RAB37: variants seen among roughly 807,000 people sequenced by gnomAD.
The protein encoded by RAB37 is RAB37, member RAS oncogene family.
In RAB37, 29 loss-of-function variants were observed where a neutral mutation model predicts 33.1. The observed-to-expected ratio is 0.88, with a 90% confidence interval of 0.65 to 1.20. The LOEUF is 1.20. RAB37 is among the 50% of genes most tolerant of loss of function. The pLI is 0.00. For synonymous variants in RAB37, 128 were observed against 119.5 expected (o/e 1.07, Z -0.47); for missense variants, 299 against 301.1 (o/e 0.99, Z 0.05).
rs2031712128 is a variant in RAB37, at chr17:74,671,780, G to C, written c.72+122G>C. The C allele has an allele frequency of 7.1e-6, 6 of 840,070 alleles. No homozygotes were observed. The highest frequency in any genetic ancestry group is 1.2e-5 in the Non-Finnish European group (6 of 515,104). The allele number at this position is 840,070 out of a possible 1,614,324, so 52.0% of individuals were successfully genotyped here. A position where few individuals can be genotyped will look rare whatever the true frequency, so the allele number is the denominator to read the frequency against. ...AAACTAGCTTGTATCTGTGAGTCTGGGGAGCCCTTTCTGTCTGATCCTGTT... is the reference window on the plus strand; with the variant it reads ...AAACTAGCTTGTATCTGTGAGTCTGCGGAGCCCTTTCTGTCTGATCCTGTT... On this transcript the variant is annotated intron_variant, in intron 1 of 7. Coordinates refer to the RAB37 transcript ENST00000340415. This position sits in a 1 kb window ranked among gnomAD's most constrained non-coding sequence, Gnocchi z 5.0.
intron 1 of RAB37, among the ~76,000 whole-genome samples, chr17:74,688,995 A>C (rs2032107397): frequency 6.6e-6 from 1 of 152,204 alleles, no homozygotes; most frequent in South Asian, 2.1e-4. Context: ...TTTTAAGTCA[A>C]AATAAAACAT....
chr17:74,731,420 C>T (rs767016184), intron 2 of RAB37, among the ~76,000 whole-genome samples: 2 of 152,206 alleles, frequency 1.3e-5, no homozygotes, highest in Non-Finnish European at 2.9e-5. Flanking sequence ...GTGACTACCT[C>T]GGGCATGCCT....
chr17:74,744,538 C>A lies in RAB37; in HGVS notation c.432+165C>A. The A allele has an allele frequency of 1.5e-6, 1 of 688,302 alleles. No individual in the cohort carries two copies. The highest frequency in any genetic ancestry group is 2.5e-6 in the Non-Finnish European group (1 of 400,372). 42.6% of individuals were successfully genotyped at this position (688,302 alleles called of 1,614,324 possible). A position where few individuals can be genotyped will look rare whatever the true frequency, so the allele number is the denominator to read the frequency against. ...TGGAGGCTTCTGCCCATCCCATCTG[C>A]CCCTTCCAGGGAAAGTCCAAGTTGT... On this transcript the variant is annotated intron_variant, in intron 6 of 8. Coordinates refer to ENST00000392613, the MANE Select transcript of RAB37 (RefSeq NM_001006638.3). The surrounding 1 kb of genome is among the most constrained non-coding windows in gnomAD (Gnocchi z 4.2).
chr17:74,695,210 G>C (rs1425145700), intron 1 of RAB37: 1 of 1,614,056 alleles, frequency 6.2e-7, no homozygotes, highest in Non-Finnish European at 8.5e-7. Context: ...CAGCACCCAA[G>C]GTCAGAGATG....
At chr17:74,696,087 C>A (rs1386559801) in intron 1 of RAB37, 21 of 1,428,354 alleles carry the variant, frequency 1.5e-5, no homozygotes, top group Non-Finnish European at 9.5e-6. Flanking sequence ...GGACAGGATA[C>A]TTTGGCACAG....
chr17:74,690,237 G>T (rs928202954), intron 1 of RAB37, among the ~76,000 whole-genome samples: 1 of 152,030 alleles, frequency 6.6e-6, no homozygotes, highest in Non-Finnish European at 1.5e-5. Context: ...TGAGATTAGA[G>T]GCATGAACCA....
chr17:74,737,781 G>T (rs530059612), intron 1 of RAB37, among the ~76,000 whole-genome samples: 1 of 152,140 alleles, frequency 6.6e-6, no homozygotes, highest in Non-Finnish European at 1.5e-5. Flanking sequence ...GCCATTTTCC[G>T]AGCTAAGCTC....
chr17:74,724,890 C>T (rs777959240), intron 1 of RAB37, among the ~76,000 whole-genome samples: 3 of 152,084 alleles, frequency 2.0e-5, no homozygotes, highest in African/African-American at 4.8e-5. Flanking sequence ...GTGCAGGTCA[C>T]AGGGGATATG....
rs116457214 is a variant in RAB37, at chr17:74,730,021, G to A, written c.183+655G>A. Among the ~76,000 whole-genome samples the A allele has an allele frequency of 4.2e-3, 633 of 152,226 alleles. 8 individuals are homozygous for A. The highest frequency in any genetic ancestry group is 0.014 in the African/African-American group (567 of 41,538). On this transcript the variant is annotated intron_variant, in intron 2 of 7. Coordinates refer to the RAB37 transcript ENST00000340415. This position sits in a 1 kb window ranked among gnomAD's most constrained non-coding sequence, Gnocchi z 4.4. ...CGGGTTAAGGAAGCCCAGTGCCCTC[G>A]GCTTTTTCTGCCCGCAGCCCCTCTG... is the stretch of plus-strand genomic sequence containing the variant.
At chr17:74,687,778 C>CG (rs1203958133) in intron 1 of RAB37, among the ~76,000 whole-genome samples, 1 of 152,156 alleles carries the variant, frequency 6.6e-6, no homozygotes, top group Admixed American at 6.5e-5. Context: ...TGTGATGGAG[C>CG]GGGTCCATGC....
intron 1 of RAB37, chr17:74,698,624 G>A (rs1190375287): frequency 6.7e-7 from 1 of 1,482,316 alleles, no homozygotes; most frequent in Non-Finnish European, 8.9e-7. Flanking sequence ...CCTCACTCCT[G>A]GGGATCCTCA....
At chr17:74,737,034 G>A (rs762798603), upstream of RAB37, 26 of 1,607,202 alleles carry the variant, frequency 1.6e-5, no homozygotes, top group East Asian at 5.6e-4. Context: ...CGAAGCGCAC[G>A]GAGCCGAGCC....
At chr17:74,679,406 C>G (rs2031908213) in intron 1 of RAB37, among the ~76,000 whole-genome samples, 1 of 152,090 alleles carries the variant, frequency 6.6e-6, no homozygotes, top group Non-Finnish European at 1.5e-5. Flanking sequence ...ATGCCTTTAC[C>G]CAGATCCTTC....
Position 74,742,231 on chromosome 17 carries a change from T to A in RAB37, c.205-23T>A, listed in dbSNP as rs369356578. On this transcript the variant is annotated intron_variant, in intron 2 of 8. Transcript: ENST00000392613. This position sits in a 1 kb window ranked among gnomAD's most constrained non-coding sequence, Gnocchi z 4.0. ...GAGCCACATGACTCCTGCCCTCCCA[T>A]CCTCTGCCTTTTTCTCTTTCAGAAC... 3 of 1,612,098 alleles carry A rather than the reference T, an allele frequency of 1.9e-6. No individual in the cohort carries two copies. The highest frequency in any genetic ancestry group is 2.2e-5 in the East Asian group (1 of 44,808).
chr17:74,729,516 G>A lies in RAB37; in HGVS notation c.183+150G>A. On this transcript the variant is annotated intron_variant, in intron 2 of 7. Coordinates refer to the RAB37 transcript ENST00000340415. The surrounding 1 kb of genome is among the most constrained non-coding windows in gnomAD (Gnocchi z 4.2). ...ACTGTTCCCCAAGGTGTAGGAGGGT[G>A]TTGGGTGACCAGGAGGGAGGGTATA... 1 of 671,952 alleles carries A rather than the reference G, an allele frequency of 1.5e-6. No homozygotes were observed. Among genetic ancestry groups the A allele is most frequent in the South Asian group, 1.6e-5 (1 of 60,970 alleles). The allele number at this position is 671,952 out of a possible 1,614,324, so 41.6% of individuals were successfully genotyped here.
At chr17:74,684,854 G>GAGATAGATGAT (rs768477387) in intron 1 of RAB37, among the ~76,000 whole-genome samples, 1 of 149,004 alleles carries the variant, frequency 6.7e-6, no homozygotes, top group Non-Finnish European at 1.5e-5. Context: ...ACATATGTGT[G>GAGATAGATGAT]AGATAGATAG....
In RAB37 at chr17:74,745,385, C is replaced by A; in HGVS notation, c.646C>A (p.Arg216Ser). 1 of 1,614,054 alleles carries A rather than the reference C, an allele frequency of 6.2e-7. No homozygotes were observed. Among genetic ancestry groups the A allele is most frequent in the South Asian group, 1.1e-5 (1 of 91,086 alleles). ...AGACTATGTAGAGTCCCAGAAGAAG[C>A]GCTCCAGCTGCTGCTCCTTCATGTG... Reference protein sequence around the residue: ...IRDYVESQKKRSSCCSFM With the variant: ...IRDYVESQKKSSSCCSFM Residue 216 changes from arginine (R) to serine (S), a missense_variant, in exon 9 of 9, where the codon CGC becomes AGC. Transcript: ENST00000392613. This position sits in a 1 kb window ranked among gnomAD's most constrained non-coding sequence, Gnocchi z 4.5.
chr17:74,714,479 A>G (rs1398990076), intron 1 of RAB37, among the ~76,000 whole-genome samples: 1 of 151,778 alleles, frequency 6.6e-6, no homozygotes, highest in Admixed American at 6.6e-5. Flanking sequence ...CAAGCAGGGA[A>G]CTACTGGCCC....
chr17:74,744,563 T>C lies in RAB37; in HGVS notation c.432+190T>C, dbSNP rs1598330766. The C allele has an allele frequency of 3.1e-6, 2 of 647,680 alleles. No homozygotes were observed. Among genetic ancestry groups the C allele is most frequent in the East Asian group, 5.5e-5 (2 of 36,638 alleles). The allele number at this position is 647,680 out of a possible 1,614,324, so 40.1% of individuals were successfully genotyped here. ...CCCCTTCCAGGGAAAGTCCAAGTTGTTGCCTGAGAAATCAAGGGGTGCCCA... is the reference window on the plus strand; with the variant it reads ...CCCCTTCCAGGGAAAGTCCAAGTTGCTGCCTGAGAAATCAAGGGGTGCCCA... On this transcript the variant is annotated intron_variant, in intron 6 of 8. Transcript: ENST00000392613. This position sits in a 1 kb window ranked among gnomAD's most constrained non-coding sequence, Gnocchi z 4.2.
Sources: allele counts gnomAD v4.1 joint callset (sites outside exome capture counted in the v4.1 genomes callset), GRCh38; gene constraint gnomAD v4.1.1; non-coding constraint Gnocchi (gnomAD v3.1); transcripts MANE v1.5; gene names NCBI Gene and HGNC (gene_info 2026-07-23, HGNC 2026-07-21).